Variants in FOXN1 observed in about 807,000 individuals in gnomAD.
The protein encoded by FOXN1 is forkhead box N1, also known as forkhead box protein N1.
In FOXN1, 15 loss-of-function variants were observed where a neutral mutation model predicts 49.0. The observed-to-expected ratio is 0.31, with a 90% CI of 0.20 to 0.47. FOXN1 has a LOEUF of 0.47. FOXN1 is among the 20% of genes least tolerant of loss of function. The pLI is 1.00. For synonymous variants in FOXN1, 356 were observed against 369.0 expected (o/e 0.96, Z 0.40); for missense variants, 800 against 842.8 (o/e 0.95, Z 0.63).
chr17:28,531,539 T>C (rs2069915106), intron 6 of FOXN1, among the ~76,000 whole-genome samples: 2 of 152,140 alleles, frequency 1.3e-5, no homozygotes, highest in Non-Finnish European at 2.9e-5. Flanking sequence ...TCCATTCCCC[T>C]AAGGTCGCAC....
At chr17:28,529,245 G>A in intron 5 of FOXN1, 21 bp downstream of exon 5, 1 of 1,613,772 alleles carries the variant, frequency 6.2e-7, no homozygotes, top group East Asian at 2.2e-5. Context: ...CACTCTCCAG[G>A]GATGGGAGGA....
At chr17:28,521,557 C>G (rs1478013225) in intron 1 of FOXN1, among the ~76,000 whole-genome samples, 1 of 152,254 alleles carries the variant, frequency 6.6e-6, no homozygotes. Flanking sequence ...CTGTGGTGTC[C>G]CGTTACGGCC....
Position 28,534,645 on chromosome 17 carries a change from G to T in FOXN1, c.1136-62G>T. ...GGCAAGGCCCCGAGTAAGGGTTCCAGTCTGGGGAAGACTGTGGAGGAGGGA... is the reference window on the plus strand; with the variant it reads ...GGCAAGGCCCCGAGTAAGGGTTCCATTCTGGGGAAGACTGTGGAGGAGGGA... On this transcript the variant is annotated intron_variant, in intron 7 of 8. Transcript: ENST00000579795. The surrounding 1 kb of genome is among the most constrained non-coding windows in gnomAD (Gnocchi z 4.1). 6.2e-7 allele frequency: 1 copy of T among 1,610,776 alleles called. No homozygotes were observed. The highest frequency in any genetic ancestry group is 8.5e-7 in the Non-Finnish European group (1 of 1,178,748).
chr17:28,533,477 G>A (rs1276399176), intron 6 of FOXN1, among the ~76,000 whole-genome samples: 1 of 136,504 alleles, frequency 7.3e-6, no homozygotes, highest in Non-Finnish European at 1.5e-5. Context: ...TATTCTATTG[G>A]CACGAGCACC....
In FOXN1 at chr17:28,534,621, G is replaced by T. The variant is rs568071748; in HGVS notation, c.1135+83G>T. On this transcript the variant is annotated intron_variant, in intron 7 of 8. Coordinates refer to ENST00000579795, the MANE Select transcript of FOXN1 (RefSeq NM_001369369.1). This position sits in a 1 kb window ranked among gnomAD's most constrained non-coding sequence, Gnocchi z 4.1. Reference sequence around the variant, plus strand: ...AAAAAAGAGAGAATCAGAGAATGAGGCAAGGCCCCGAGTAAGGGTTCCAGT... The same window carrying T: ...AAAAAAGAGAGAATCAGAGAATGAGTCAAGGCCCCGAGTAAGGGTTCCAGT... 6.2e-7 allele frequency: 1 copy of T among 1,602,344 alleles called. No individual in the cohort carries two copies. Among genetic ancestry groups the T allele is most frequent in the Admixed American group, 1.7e-5 (1 of 57,832 alleles).
rs142654668 is a variant in FOXN1 at position 28,535,047 on chromosome 17, T to A, written c.1476T>A (p.Pro492=). ...RAQPGTPQDS[P]LPAHTPPSHS... Reference sequence around the variant, plus strand: ...AGCCAGGCACCCCCCAGGACTCGCCTCTGCCTGCCCACACCCCACCCAGCC... The same window carrying A: ...AGCCAGGCACCCCCCAGGACTCGCCACTGCCTGCCCACACCCCACCCAGCC... Residue 492 remains proline (P), a synonymous_variant, in exon 8 of 9, where the codon CCT becomes CCA. Transcript: ENST00000579795. The A allele has an allele frequency of 2.2e-5, 36 of 1,611,998 alleles. No individual in the cohort carries two copies. In the African/African-American group the frequency reaches 4.0e-4, roughly 18 times the overall value.
Position 28,537,897 on chromosome 17 carries a change from C to T in FOXN1, c.*461C>T, listed in dbSNP as rs886052760. ...AGGGCCCTGTGCCAGGCCAAAGATC[C>T]CCCCAGACCCCCATTCTGACATCCA... On this transcript the variant is annotated 3_prime_UTR_variant, in exon 9 of 9. Transcript: ENST00000579795. 4.3e-6 allele frequency: 1 copy of T among 234,758 alleles called. No homozygotes were observed. Among genetic ancestry groups the T allele is most frequent in the Admixed American group, 5.0e-5 (1 of 19,878 alleles). 14.5% of individuals were successfully genotyped at this position (234,758 alleles called of 1,614,324 possible).
chr17:28,524,432 GT>G, intron 2 of FOXN1, 70 bp from the exon 3 acceptor site: 1 of 1,342,010 alleles, frequency 7.5e-7, no homozygotes, highest in South Asian at 1.2e-5. Flanking sequence ...CCAGAACAGA[GT>G]AGGGTCCCAG....
At position 28,537,269 on chromosome 17, in the gene FOXN1, G is replaced by A; in HGVS notation, c.1780G>A (p.Ala594Thr). The change falls in exon 9 of 9, where the codon GCA (alanine) becomes ACA (threonine). Residue 594 changes from alanine to threonine, a missense_variant. Physicochemically the swap from Ala to Thr is moderately conservative, Grantham distance 58 (BLOSUM62 0). Around this residue, in one of 3 missense-constraint regions of FOXN1, gnomAD observed 344 missense variants for 366.1 expected, o/e 0.94. Coordinates refer to ENST00000579795, the MANE Select transcript of FOXN1 (RefSeq NM_001369369.1). ...CTGTCTGACAGAGACAGGCAGTGGG[G>A]CAGGTGACTTGGCAGCCCCGGGCAG... is the stretch of plus-strand genomic sequence containing the variant. The part of the protein sequence containing the change: ...GPCLTETGSG[A>T]GDLAAPGSGG... 1 of 1,614,064 alleles carries A rather than the reference G, an allele frequency of 6.2e-7. No individual in the cohort carries two copies. Among genetic ancestry groups the A allele is most frequent in the African/African-American group, 1.3e-5 (1 of 75,042 alleles).
chr17:28,527,156 A>G lies in FOXN1; in HGVS notation c.589-95A>G. 4 of 789,712 alleles carry G rather than the reference A, an allele frequency of 5.1e-6. No homozygotes were observed. In the East Asian group the frequency reaches 1.1e-4, roughly 21 times the overall value. The allele number at this position is 789,712 out of a possible 1,614,324, so 48.9% of individuals were successfully genotyped here. Reference sequence around the variant, plus strand: ...TCCAGGAATAAGCTTTGGGGGAAGCAGAATAGGGGTTGCTTTTATGTAAGG... The same window carrying G: ...TCCAGGAATAAGCTTTGGGGGAAGCGGAATAGGGGTTGCTTTTATGTAAGG... On this transcript the variant is annotated intron_variant, in intron 3 of 8. Transcript: ENST00000579795.
chr17:28,519,328 CAA>C (rs900477670), intron 1 of FOXN1, among the ~76,000 whole-genome samples: 9 of 135,232 alleles, frequency 6.7e-5, no homozygotes, highest in East Asian at 2.1e-4. Context: ...GACCTTGTCT[CAA>C]AAAAAAAAAA....
chr17:28,522,607 ACCGCACTC>A (rs2069663025), intron 1 of FOXN1, among the ~76,000 whole-genome samples: 1 of 152,144 alleles, frequency 6.6e-6, no homozygotes, highest in Admixed American at 6.5e-5. Flanking sequence ...AGAGCATGCC[ACCGCACTC>A]CAGCCTAGGC....
At chr17:28,506,827 C>T (rs957893651) in intron 1 of FOXN1, among the ~76,000 whole-genome samples, 7 of 152,182 alleles carry the variant, frequency 4.6e-5, no homozygotes, top group African/African-American at 1.4e-4. Flanking sequence ...GGGCCAAGTT[C>T]TCCATGTAGT....
intron 1 of FOXN1, among the ~76,000 whole-genome samples, chr17:28,511,746 G>A (rs1597530112): frequency 2.0e-5 from 3 of 152,192 alleles, no homozygotes. Flanking sequence ...GAGCAGAGCT[G>A]GGAAAGGACC....
chr17:28,517,211 G>A (rs1440521635), intron 1 of FOXN1, among the ~76,000 whole-genome samples: 11 of 144,976 alleles, frequency 7.6e-5, no homozygotes, highest in Admixed American at 3.4e-4. Context: ...ACCTCCACAG[G>A]GTACACACCT....
In FOXN1 at chr17:28,514,675, C is replaced by T. The variant is rs576298920; in HGVS notation, c.-15+8232C>T. Among the ~76,000 whole-genome samples the T allele has an allele frequency of 3.3e-5, 5 of 152,264 alleles. No homozygotes were observed. The South Asian group carries it at 6.2e-4, about 19-fold the overall frequency. On this transcript the variant is annotated intron_variant, in intron 1 of 8. Transcript: ENST00000579795. ...CCCCACCCCTCGTAAAACATGCTGC[C>T]GCAGCCAGCAACAGAAACCATTAAG...
At chr17:28,525,100 G>A in intron 3 of FOXN1, 133 bp downstream of exon 3, 1 of 751,358 alleles carries the variant, frequency 1.3e-6, no homozygotes, top group African/African-American at 1.7e-5. Context: ...CCAGAGAGTT[G>A]GGGCCTCCTG....
intron 1 of FOXN1, among the ~76,000 whole-genome samples, chr17:28,510,016 G>C (rs1407554631): frequency 6.6e-6 from 1 of 152,182 alleles, no homozygotes; most frequent in African/African-American, 2.4e-5. Flanking sequence ...TGGAGAGCCA[G>C]CTGTGAGTCA....
intron 1 of FOXN1, among the ~76,000 whole-genome samples, chr17:28,516,580 CAGGATCCATACCTCCAT>C (rs2069508164): frequency 6.6e-6 from 1 of 150,930 alleles, no homozygotes; most frequent in African/African-American, 2.4e-5. Flanking sequence ...CACACCTCCA[CAGGATCCATACCTCCAT>C]AGGGTACACA....
Sources: gnomAD v4.1 joint callset for allele counts (sites outside exome capture counted in the v4.1 genomes callset) on GRCh38, gnomAD v4.1.1 for gene constraint, gnomAD v4.1.1 regional missense constraint, Gnocchi (gnomAD v3.1) non-coding constraint, MANE v1.5 for transcripts, NCBI Gene and HGNC (gene_info 2026-07-23, HGNC 2026-07-21) for gene names.